SLC35D2: variants seen among roughly 807,000 people sequenced by gnomAD.
SLC35D2 encodes nucleotide sugar transporter SLC35D2.
A neutral mutation model predicts 41.8 loss-of-function variants in SLC35D2; 43 were observed. The ratio of observed to expected loss-of-function variants is 1.03; its 90% CI spans 0.81 to 1.33. The LOEUF is 1.33. Among genes scored for constraint, SLC35D2 ranks in the 40% most tolerant of loss-of-function variants. SLC35D2 has a pLI of 0.00. For missense variants in SLC35D2, 380 were observed against 408.4 expected (o/e 0.93, Z 0.60); for synonymous variants, 150 against 163.9 (o/e 0.92, Z 0.65).
chr9:96,357,903 G>C (rs963252118), intron 4 of SLC35D2, among the ~76,000 whole-genome samples: 2 of 151,604 alleles, frequency 1.3e-5, no homozygotes, highest in Non-Finnish European at 2.9e-5. Flanking sequence ...GCCAGGCGTG[G>C]TGGCACACAC....
intron 4 of SLC35D2, 64 bp downstream of exon 4, chr9:96,360,090 G>A: frequency 8.3e-7 from 1 of 1,204,946 alleles, no homozygotes; most frequent in South Asian, 1.3e-5. Context: ...ATCAATCTTG[G>A]TCTTTGTACC....
At chr9:96,382,496 C>CACTCTATATATATATATATATATA (rs200897475) in intron 1 of SLC35D2, among the ~76,000 whole-genome samples, 45 of 127,930 alleles carry the variant, frequency 3.5e-4, no homozygotes, top group African/African-American at 1.3e-3. Context: ...CACACACACA[C>CACTCTATATATATATATATATATA]TATATATATA....
rs577819498 is a variant in SLC35D2 at position 96,383,419 on chromosome 9, G to A, written c.158+58C>T. ...TGTCCCGGGCGCCGCTGAAGCGCAC[G>A]GAGGACAGGGGCAGCCCCGCACTCC... On this transcript the variant is annotated intron_variant, in intron 1 of 11. Coordinates refer to ENST00000253270, the MANE Select transcript of SLC35D2 (RefSeq NM_007001.3). 3,786 of 1,400,068 alleles carry A rather than the reference G, an allele frequency of 2.7e-3. 14 individuals carry two copies. The highest frequency in any genetic ancestry group is 3.3e-3 in the Non-Finnish European group (3,456 of 1,047,228). The allele number at this position is 1,400,068 out of a possible 1,614,324, so 86.7% of individuals were successfully genotyped here.
intron 4 of SLC35D2, among the ~76,000 whole-genome samples, chr9:96,358,171 G>C (rs992810862): frequency 6.9e-6 from 1 of 145,384 alleles, no homozygotes; most frequent in Non-Finnish European, 1.5e-5. Context: ...ATATAACATG[G>C]ATAAACCTTG....
Position 96,383,587 on chromosome 9 carries a change from G to A in SLC35D2, c.48C>T (p.Pro16=). ...CCCGCGAGGGCAGCCGCGCCGCGCCGGGCTCCCCGCCAGCGCCCTCGGCCT... is the reference window on the plus strand; with the variant it reads ...CCCGCGAGGGCAGCCGCGCCGCGCCAGGCTCCCCGCCAGCGCCCTCGGCCT... The part of the protein sequence containing the change: ...QAEAEGAGGE[P]GAARLPSRVA... Residue 16 remains proline, a synonymous_variant, in exon 1 of 12, where the codon CCC becomes CCT. Transcript: ENST00000253270. 6.9e-7 allele frequency: 1 copy of A among 1,448,402 alleles called. No individual in the cohort carries two copies. Among genetic ancestry groups the A allele is most frequent in the Non-Finnish European group, 9.1e-7 (1 of 1,098,600 alleles). 89.7% of individuals were successfully genotyped at this position (1,448,402 alleles called of 1,614,324 possible). A position where few individuals can be genotyped will look rare whatever the true frequency, so the allele number is the denominator to read the frequency against.
chr9:96,325,068 T>A (rs996037857), intron 9 of SLC35D2, among the ~76,000 whole-genome samples: 2 of 152,226 alleles, frequency 1.3e-5, no homozygotes, highest in Non-Finnish European at 2.9e-5. Flanking sequence ...CACTTGTGGA[T>A]AATGCTCCTG....
Position 96,322,002 on chromosome 9 carries a change from T to C in SLC35D2, c.910A>G (p.Ile304Val). 1 of 1,579,518 alleles carries C rather than the reference T, an allele frequency of 6.3e-7. No homozygotes were observed. The highest frequency in any genetic ancestry group is 8.7e-7 in the Non-Finnish European group (1 of 1,150,488). Residue 304 changes from isoleucine (I) to valine (V), a missense_variant, in exon 11 of 12, where the codon ATT becomes GTT. Transcript: ENST00000253270. ...CCATTAAAAATTCCCACTCACCAAA[T>C]ATTTAACCCTACAAAGTTTAACAAA... ...FSLLNFVGLN[I>V]CMAGGLRYSF...
Position 96,360,051 on chromosome 9 carries a change from A to G in SLC35D2, c.347+103T>C. The stretch of plus-strand genomic sequence containing the variant: ...ACTACTAAATATTATTGTCTTCTAT[A>G]TATGGTACAAGCACTATCAATGGCA... On this transcript the variant is annotated intron_variant, in intron 4 of 11. Coordinates refer to ENST00000253270, the MANE Select transcript of SLC35D2 (RefSeq NM_007001.3). 3 of 701,164 alleles carry G rather than the reference A, an allele frequency of 4.3e-6. No homozygotes were observed. In the South Asian group the frequency reaches 6.0e-5, roughly 14 times the overall value. The allele number at this position is 701,164 out of a possible 1,614,324, so 43.4% of individuals were successfully genotyped here. A position where few individuals can be genotyped will look rare whatever the true frequency, so the allele number is the denominator to read the frequency against.
intron 1 of SLC35D2, among the ~76,000 whole-genome samples, chr9:96,378,787 G>A (rs182634592): frequency 3.9e-5 from 6 of 152,128 alleles, no homozygotes; most frequent in Admixed American, 3.9e-4. Context: ...AAATGACCCA[G>A]GAGTGGTGGT....
intron 2 of SLC35D2, among the ~76,000 whole-genome samples, chr9:96,367,327 C>A (rs377042482): frequency 6.6e-6 from 1 of 151,602 alleles, no homozygotes; most frequent in South Asian, 2.1e-4. Flanking sequence ...TAATGTTAAG[C>A]TTTTCCCTCT....
At chr9:96,316,530 C>G (rs1828057291), downstream of SLC35D2, among the ~76,000 whole-genome samples, 1 of 151,716 alleles carries the variant, frequency 6.6e-6, no homozygotes, top group South Asian at 2.1e-4. Context: ...GGACCAACAG[C>G]CTGGGGTGGC....
chr9:96,380,635 T>G (rs952728866), intron 1 of SLC35D2, among the ~76,000 whole-genome samples: 4 of 143,318 alleles, frequency 2.8e-5, no homozygotes, highest in African/African-American at 1.0e-4. Context: ...TTTTTTTTTG[T>G]TTGTTTTTTT....
intron 9 of SLC35D2, among the ~76,000 whole-genome samples, chr9:96,335,416 G>A (rs943422994): frequency 4.6e-5 from 7 of 152,194 alleles, no homozygotes; most frequent in South Asian, 2.1e-4. Flanking sequence ...CTGGAGTGCC[G>A]TGGCGCGATC....
chr9:96,372,708 C>T (rs1409809964), intron 1 of SLC35D2, among the ~76,000 whole-genome samples: 2 of 149,586 alleles, frequency 1.3e-5, no homozygotes, highest in Admixed American at 6.7e-5. Context: ...CTTCAGCCTC[C>T]GGAGTAGCTG....
chr9:96,335,524 T>A (rs1351407537), intron 9 of SLC35D2, among the ~76,000 whole-genome samples: 1 of 152,112 alleles, frequency 6.6e-6, no homozygotes, highest in Non-Finnish European at 1.5e-5. Context: ...CACACCCAGC[T>A]AATTTTTGTA....
At chr9:96,366,760 G>C (rs1337371749) in intron 2 of SLC35D2, among the ~76,000 whole-genome samples, 1 of 150,626 alleles carries the variant, frequency 6.6e-6, no homozygotes, top group Non-Finnish European at 1.5e-5. Context: ...ATAGGCATGA[G>C]CCACCGTGCT....
chr9:96,362,279 G>A (rs902580446), intron 3 of SLC35D2, among the ~76,000 whole-genome samples: 2 of 152,108 alleles, frequency 1.3e-5, no homozygotes, highest in South Asian at 2.1e-4. Context: ...AGGCCAAGGC[G>A]GGCAGATCAC....
intron 6 of SLC35D2, among the ~76,000 whole-genome samples, chr9:96,346,953 A>G (rs1564104223): frequency 6.6e-6 from 1 of 152,108 alleles, no homozygotes; most frequent in South Asian, 2.1e-4. Context: ...CCTGACCAAC[A>G]TGGAGAAATC....
At chr9:96,329,509 T>G (rs558867060) in intron 9 of SLC35D2, among the ~76,000 whole-genome samples, 2 of 152,304 alleles carry the variant, frequency 1.3e-5, no homozygotes, top group East Asian at 3.9e-4. Context: ...GCTACAGGCA[T>G]GAGCCACTGT....
Sources: allele counts gnomAD v4.1 joint callset (sites outside exome capture counted in the v4.1 genomes callset), GRCh38; gene constraint gnomAD v4.1.1; transcripts MANE v1.5; gene names NCBI Gene and HGNC (gene_info 2026-07-23, HGNC 2026-07-21).